The following CEP112 variants were observed in gnomAD, a reference collection of about 807,000 sequenced individuals.
CEP112 encodes the protein centrosomal protein 112, also known as centrosomal protein of 112 kDa.
A neutral mutation model predicts 153.0 loss-of-function variants in CEP112; 127 were observed. That is an observed-to-expected ratio of 0.83 (90% CI 0.72 to 0.96). The LOEUF (loss-of-function observed/expected upper bound fraction) is 0.96. CEP112 is among the 40% of genes least tolerant of loss of function. CEP112 has a pLI of 0.00. For synonymous variants in CEP112, 358 were observed against 374.4 expected (o/e 0.96, Z 0.51); for missense variants, 1,089 against 1,101.2 (o/e 0.99, Z 0.16).
chr17:66,099,059 A>G (rs2146295936), intron 6 of CEP112, among the ~76,000 whole-genome samples: 1 of 152,304 alleles, frequency 6.6e-6, no homozygotes, highest in East Asian at 1.9e-4. Flanking sequence ...CTTGGAAACT[A>G]TGAAGAACCA....
chr17:65,929,981 T>C (rs1400413007), intron 18 of CEP112, among the ~76,000 whole-genome samples: 1 of 152,240 alleles, frequency 6.6e-6, no homozygotes, highest in Non-Finnish European at 1.5e-5. Flanking sequence ...AAATGGTGCC[T>C]TTTATTCAAA....
At chr17:66,132,817 GT>G in intron 4 of CEP112, 54 bp from the exon 5 acceptor site, 2 of 1,126,734 alleles carry the variant, frequency 1.8e-6, no homozygotes, top group Non-Finnish European at 2.7e-6. Flanking sequence ...AGGACACAGA[GT>G]ATTAGAATCT....
At chr17:65,826,735 T>C (rs982882722) in intron 21 of CEP112, among the ~76,000 whole-genome samples, 4 of 152,162 alleles carry the variant, frequency 2.6e-5, no homozygotes, top group African/African-American at 9.7e-5. Flanking sequence ...TACAGAAAAA[T>C]ACAATTCAAA....
intron 18 of CEP112, among the ~76,000 whole-genome samples, chr17:65,946,192 A>T (rs1190610452): frequency 1.3e-5 from 2 of 152,184 alleles, no homozygotes; most frequent in Admixed American, 1.3e-4. Context: ...AATGAAGCCC[A>T]ATTTTAAAAT....
intron 12 of CEP112, among the ~76,000 whole-genome samples, chr17:66,032,164 C>T (rs894841956): frequency 2.0e-5 from 3 of 152,012 alleles, no homozygotes; most frequent in African/African-American, 7.2e-5. Flanking sequence ...CCACACCTGG[C>T]TAGTTTTTGT....
intron 21 of CEP112, 102 bp from the exon 22 acceptor site, chr17:65,750,826 C>CAGAAGGGCGGTGCAGCT: frequency 9.8e-7 from 1 of 1,024,946 alleles, no homozygotes; most frequent in Non-Finnish European, 1.5e-6. Flanking sequence ...CCAGCTGCAC[C>CAGAAGGGCGGTGCAGCT]GCCCTTCTGG....
chr17:65,941,175 A>C (rs2061494814), intron 18 of CEP112, among the ~76,000 whole-genome samples: 1 of 152,150 alleles, frequency 6.6e-6, no homozygotes. Flanking sequence ...TTTTAAGACA[A>C]ATCTACATAT....
intron 12 of CEP112, among the ~76,000 whole-genome samples, chr17:66,049,756 GTAAA>G (rs768253299): frequency 8.6e-5 from 13 of 151,970 alleles, no homozygotes; most frequent in Non-Finnish European, 1.3e-4. Context: ...TCTCAAAAAA[GTAAA>G]TAAATAAAGA....
intron 21 of CEP112, among the ~76,000 whole-genome samples, chr17:65,824,598 G>A (rs1005258852): frequency 5.3e-5 from 8 of 152,182 alleles, no homozygotes; most frequent in Admixed American, 3.3e-4. Flanking sequence ...CTTCTGAGTT[G>A]GTGTGGAAAG....
intron 7 of CEP112, 114 bp from the exon 8 acceptor site, chr17:66,096,442 G>T: frequency 8.6e-7 from 1 of 1,164,580 alleles, no homozygotes; most frequent in Non-Finnish European, 1.3e-6. Flanking sequence ...AACACTGCAG[G>T]AAAAAATCAC....
chr17:66,129,832 CA>C lies in CEP112; in HGVS notation c.565-10del. ...TTTTTCGAATAAACTTCCTGAAATA[CA>C]AAAGGGAAAAAGGAAGAGGAGAGGA... On this transcript the variant is annotated splice_polypyrimidine_tract_variant and intron_variant, in intron 5 of 26. Transcript: ENST00000535342. 1 of 1,547,728 alleles carries C rather than the reference CA, an allele frequency of 6.5e-7. No homozygotes were observed. The highest frequency in any genetic ancestry group is 8.8e-7 in the Non-Finnish European group (1 of 1,136,226).
intron 4 of CEP112, among the ~76,000 whole-genome samples, chr17:66,155,407 A>G (rs998069639): frequency 6.6e-6 from 1 of 151,928 alleles, no homozygotes; most frequent in Admixed American, 6.6e-5. Context: ...AGACCAGGAG[A>G]TTCCCTTAGG....
At chr17:66,118,735 AAAG>A (rs1440498443) in intron 6 of CEP112, among the ~76,000 whole-genome samples, 7 of 152,324 alleles carry the variant, frequency 4.6e-5, no homozygotes, top group Admixed American at 2.0e-4. Flanking sequence ...TTCCTAACAC[AAAG>A]AAATGGTAAA....
chr17:65,894,375 T>G (rs1041835135), intron 20 of CEP112, among the ~76,000 whole-genome samples: 2 of 152,120 alleles, frequency 1.3e-5, no homozygotes, highest in African/African-American at 4.8e-5. Context: ...AAACACATTT[T>G]CTAATTATAC....
chr17:66,095,950 C>CA (rs2068326802), intron 8 of CEP112, among the ~76,000 whole-genome samples: 1 of 152,020 alleles, frequency 6.6e-6, no homozygotes, highest in African/African-American at 2.4e-5. Flanking sequence ...CATGGTGGCA[C>CA]AGCTGTAGTC....
At chr17:66,131,790 T>A (rs2146538243) in intron 5 of CEP112, among the ~76,000 whole-genome samples, 1 of 152,114 alleles carries the variant, frequency 6.6e-6, no homozygotes, top group Non-Finnish European at 1.5e-5. Context: ...ACATGCTTTC[T>A]CTTGTAACTA....
intron 17 of CEP112, among the ~76,000 whole-genome samples, chr17:65,971,188 TG>T (rs2062765912): frequency 1.3e-5 from 2 of 151,958 alleles, no homozygotes; most frequent in Non-Finnish European, 2.9e-5. Context: ...GTACAGCACA[TG>T]CATATCACAT....
Position 65,721,058 on chromosome 17 carries a change from A to C in CEP112, c.2607+22010T>G, listed in dbSNP as rs1048571209. On this transcript the variant is annotated intron_variant, in intron 23 of 26. Coordinates refer to ENST00000535342, the MANE Select transcript of CEP112 (RefSeq NM_001199165.4). The stretch of plus-strand genomic sequence containing the variant: ...ACGGAGTCTCGCTCTGTTGTCCAGG[A>C]TGGAGTGCAGTGGCATGATCTCGGC... Among the ~76,000 whole-genome samples the C allele has an allele frequency of 4.5e-5, 6 of 134,148 alleles. No individual in the cohort carries two copies. The East Asian group carries it at 8.8e-4, about 20-fold the overall frequency. 88.0% of individuals were successfully genotyped at this position (134,148 alleles called of 152,430 possible). A position where few individuals can be genotyped will look rare whatever the true frequency, so the allele number is the denominator to read the frequency against.
intron 8 of CEP112, among the ~76,000 whole-genome samples, chr17:66,095,821 T>C (rs2068320130): frequency 2.0e-5 from 3 of 152,106 alleles, no homozygotes; most frequent in Non-Finnish European, 4.4e-5. Flanking sequence ...CCTATAATCC[T>C]AATGCTTTGA....
Sources: allele counts gnomAD v4.1 joint callset (sites outside exome capture counted in the v4.1 genomes callset), GRCh38; gene constraint gnomAD v4.1.1; transcripts MANE v1.5; gene names NCBI Gene and HGNC (gene_info 2026-07-23, HGNC 2026-07-21).